The following CSMD3 variants were observed in gnomAD, a reference collection of about 807,000 sequenced individuals.
CSMD3 encodes the protein CUB and Sushi multiple domains 3, also known as CUB and sushi domain-containing protein 3.
Under a neutral mutation model 435.2 loss-of-function variants are expected in CSMD3, and 177 were observed. The observed-to-expected ratio is 0.41, with a 90% CI of 0.36 to 0.46. CSMD3 has a LOEUF of 0.46. Ranked by LOEUF, CSMD3 falls within the 20% of genes least tolerant of loss-of-function variation. CSMD3 has a pLI of 0.34. For synonymous variants in CSMD3, 1,656 were observed against 1,520.5 expected (o/e 1.09, Z -2.07); for missense variants, 4,265 against 4,504.6 (o/e 0.95, Z 1.52).
At chr8:112,532,990 T>C (rs1369488625) in intron 27 of CSMD3, among the ~76,000 whole-genome samples, 3 of 152,130 alleles carry the variant, frequency 2.0e-5, no homozygotes, top group African/African-American at 7.2e-5. Flanking sequence ...TTTATAGATA[T>C]TTCTTTGTTT....
At chr8:113,390,462 T>C (rs1202090518) in intron 1 of CSMD3, among the ~76,000 whole-genome samples, 1 of 151,934 alleles carries the variant, frequency 6.6e-6, no homozygotes, top group Non-Finnish European at 1.5e-5. Flanking sequence ...ATAAATTTAC[T>C]GGACTTCCTG....
chr8:112,302,918 G>T (rs1475285827), intron 52 of CSMD3, among the ~76,000 whole-genome samples: 2 of 150,934 alleles, frequency 1.3e-5, no homozygotes, highest in Admixed American at 6.6e-5. Context: ...TTAAATGGAG[G>T]ACCAGAAAAA....
rs144251982 is a variant in CSMD3, at chr8:112,514,533, A to G, written c.4756+2501T>C. ...TAATTTGTTTCTCAAATTCAATTTT[A>G]TTTGTGTCTTCTTTCTATCTCAAAA... On this transcript the variant is annotated intron_variant, in intron 28 of 70. Transcript: ENST00000297405. Among the ~76,000 whole-genome samples the G allele has an allele frequency of 3.6e-3, 544 of 152,112 alleles. 1 individual carries two copies. Among genetic ancestry groups the G allele is most frequent in the African/African-American group, 0.013 (522 of 41,514 alleles).
rs562896801 is a variant in CSMD3, at chr8:112,556,845, G to T, written c.4152C>A (p.Gly1384=). ...GSTIIYGCNP[G]YTLHGSSLLK... is the part of the protein sequence containing the mutation. ...GAAGGCTACTTCCGTGGAGAGTGTA[G>T]CCTGGATTGCATCCATAAATGATGG... Residue 1384 remains glycine (G), a synonymous_variant, in exon 25 of 71, where the codon GGC becomes GGA. Transcript: ENST00000297405. 4.3e-6 allele frequency: 7 copies of T among 1,612,108 alleles called. No individual in the cohort carries two copies. Among genetic ancestry groups the T allele is most frequent in the Non-Finnish European group, 5.9e-6 (7 of 1,178,852 alleles).
In CSMD3 at chr8:112,237,302, G is replaced by T; in HGVS notation, c.10515C>A (p.Tyr3505Ter). 1 of 1,612,972 alleles carries T rather than the reference G, an allele frequency of 6.2e-7. No homozygotes were observed. ...TGGGTTGTTTCCTTCCTTTGAAATT[G>T]TAAGAGCCTTTCCATATATAATTTT... ...FAQNYIWKGS[Y>*]NFKGRKQPMT... The change falls in exon 67 of 71, where the codon TAC becomes TAA. Residue 3505 changes from tyrosine to a stop codon, truncating the protein, a stop_gained. Transcript: ENST00000297405. LOFTEE classifies it high-confidence loss of function.
chr8:112,485,629 T>C (rs1168171904), intron 31 of CSMD3, among the ~76,000 whole-genome samples: 1 of 152,152 alleles, frequency 6.6e-6, no homozygotes, highest in Non-Finnish European at 1.5e-5. Flanking sequence ...TATTTCTGAA[T>C]TATATATACC....
At chr8:113,233,108 G>T (rs984184471) in intron 3 of CSMD3, among the ~76,000 whole-genome samples, 35 of 151,492 alleles carry the variant, frequency 2.3e-4, no homozygotes, top group Non-Finnish European at 3.5e-4. Context: ...TAAAAAATTA[G>T]GTATAATACC....
intron 64 of CSMD3, among the ~76,000 whole-genome samples, chr8:112,244,783 C>T (rs1814544426): frequency 6.6e-6 from 1 of 151,714 alleles, no homozygotes; most frequent in Non-Finnish European, 1.5e-5. Context: ...ATTTGTGGAA[C>T]ACTAGTAGAT....
At chr8:112,501,015 T>C (rs766938019) in intron 30 of CSMD3, among the ~76,000 whole-genome samples, 2 of 152,100 alleles carry the variant, frequency 1.3e-5, no homozygotes, top group Non-Finnish European at 2.9e-5. Context: ...CAAGCCTGCC[T>C]ATAAAATCTG....
At chr8:112,642,724 G>GC (rs1563802962) in intron 20 of CSMD3, among the ~76,000 whole-genome samples, 2 of 151,676 alleles carry the variant, frequency 1.3e-5, no homozygotes, top group African/African-American at 4.8e-5. Flanking sequence ...ACTGAAGATA[G>GC]AAAAAAGCAA....
intron 46 of CSMD3, among the ~76,000 whole-genome samples, 159 bp downstream of exon 46, chr8:112,319,742 T>C (rs1250686847): frequency 6.6e-6 from 1 of 152,186 alleles, no homozygotes; most frequent in East Asian, 1.9e-4. Flanking sequence ...CTTTCCTCTT[T>C]TCACTCCTTC....
At position 113,334,297 on chromosome 8, in the gene CSMD3, A is replaced by ATTTT. The variant is rs2094052880; in HGVS notation, c.179-19505_179-19504insAAAA. Among the ~76,000 whole-genome samples, 35 of 126,250 alleles carry ATTTT rather than the reference A, an allele frequency of 2.8e-4. 2 individuals carry two copies. The highest frequency in any genetic ancestry group is 2.9e-4 in the African/African-American group (9 of 30,908). The allele number at this position is 126,250 out of a possible 152,430, so 82.8% of individuals were successfully genotyped here. A position where few individuals can be genotyped will look rare whatever the true frequency, so the allele number is the denominator to read the frequency against. ...TTTAAGTTTTTTTTTTTTTTTTTTC[A>ATTTT]TTTCCAGCCTGTGTACCTGTTACAT... On this transcript the variant is annotated intron_variant, in intron 1 of 70. Transcript: ENST00000297405.
chr8:113,190,620 G>C (rs1390144308), intron 3 of CSMD3, among the ~76,000 whole-genome samples: 1 of 151,328 alleles, frequency 6.6e-6, no homozygotes. Flanking sequence ...TAAAACATAT[G>C]TCTATGACGA....
chr8:112,532,668 T>C (rs1457380637), intron 27 of CSMD3, among the ~76,000 whole-genome samples: 1 of 152,072 alleles, frequency 6.6e-6, no homozygotes, highest in Non-Finnish European at 1.5e-5. Context: ...GTCTTCATCA[T>C]CATAACTGTT....
At chr8:113,195,307 G>C (rs1376424911) in intron 3 of CSMD3, among the ~76,000 whole-genome samples, 1 of 149,156 alleles carries the variant, frequency 6.7e-6, no homozygotes, top group Non-Finnish European at 1.5e-5. Flanking sequence ...GAAGTCTCTG[G>C]AACAGAAGCA....
At chr8:113,120,014 A>T (rs897226382) in intron 4 of CSMD3, among the ~76,000 whole-genome samples, 2 of 152,046 alleles carry the variant, frequency 1.3e-5, no homozygotes, top group African/African-American at 2.4e-5. Flanking sequence ...CAAATAAAAA[A>T]AATTTTCCTA....
intron 38 of CSMD3, among the ~76,000 whole-genome samples, chr8:112,368,558 C>T (rs1185337834): frequency 1.3e-5 from 2 of 152,202 alleles, no homozygotes; most frequent in African/African-American, 4.8e-5. Flanking sequence ...TATTTTAAGG[C>T]TAGATGTTAC....
At chr8:112,736,492 T>C (rs1353629580) in intron 13 of CSMD3, among the ~76,000 whole-genome samples, 1 of 151,988 alleles carries the variant, frequency 6.6e-6, no homozygotes, top group Non-Finnish European at 1.5e-5. Context: ...TAATGTGAAC[T>C]CTCATAGTCT....
chr8:113,332,558 A>C (rs1166743117), intron 1 of CSMD3, among the ~76,000 whole-genome samples: 1 of 151,680 alleles, frequency 6.6e-6, no homozygotes, highest in Non-Finnish European at 1.5e-5. Flanking sequence ...ATATTTGTGC[A>C]TATATTTAAC....
Sources: gnomAD v4.1 joint callset for allele counts (sites outside exome capture counted in the v4.1 genomes callset) on GRCh38, gnomAD v4.1.1 for gene constraint, MANE v1.5 for transcripts, NCBI Gene and HGNC (gene_info 2026-07-23, HGNC 2026-07-21) for gene names.